The following TYR variants were observed in gnomAD, a reference collection of about 807,000 sequenced individuals.
The protein encoded by TYR is tyrosinase.
Under a neutral mutation model 51.5 loss-of-function variants are expected in TYR, and 58 were observed. The observed-to-expected ratio is 1.13, with a 90% CI of 0.91 to 1.40. The LOEUF (loss-of-function observed/expected upper bound fraction) is 1.40. TYR is among the 40% of genes most tolerant of loss of function. The pLI is 0.00. For missense variants in TYR, 732 were observed against 647.4 expected, an observed-to-expected ratio of 1.13 and a Z score of -1.42; for synonymous variants, 263 against 235.2, an observed-to-expected ratio of 1.12 and a Z score of -1.08.
At chr11:89,290,841 T>A (rs928041166) in intron 4 of TYR, among the ~76,000 whole-genome samples, 2 of 151,982 alleles carry the variant, frequency 1.3e-5, no homozygotes, top group African/African-American at 4.8e-5. Context: ...ATTTATAGTA[T>A]CTTCTGTGTA....
chr11:89,295,098 C>A (rs368822178), intron 4 of TYR, 45 bp from the exon 5 acceptor site: 2 of 1,606,530 alleles, frequency 1.2e-6, no homozygotes, highest in South Asian at 1.1e-5. Context: ...GTGATCGTAA[C>A]AATGGTGGTA....
intron 2 of TYR, among the ~76,000 whole-genome samples, chr11:89,227,015 C>T (rs998737016): frequency 3.9e-5 from 6 of 152,052 alleles, no homozygotes; most frequent in Admixed American, 2.6e-4. Flanking sequence ...CATATCTTAG[C>T]GTCTAATTGA....
intron 3 of TYR, among the ~76,000 whole-genome samples, chr11:89,253,832 G>A (rs899806953): frequency 6.6e-6 from 1 of 151,760 alleles, no homozygotes; most frequent in African/African-American, 2.4e-5. Flanking sequence ...TCTCTTGTCT[G>A]ATTGCTCTGG....
intron 1 of TYR, among the ~76,000 whole-genome samples, chr11:89,190,328 A>C (rs961338043): frequency 1.4e-4 from 22 of 152,202 alleles, no homozygotes; most frequent in African/African-American, 5.1e-4. Flanking sequence ...CAGTGGGACA[A>C]GATGTGGAGG....
At chr11:89,224,689 C>T (rs1943954887) in intron 2 of TYR, among the ~76,000 whole-genome samples, 1 of 152,178 alleles carries the variant, frequency 6.6e-6, no homozygotes, top group African/African-American at 2.4e-5. Flanking sequence ...TATCTTCCAC[C>T]TATCCTGAAT....
intron 1 of TYR, among the ~76,000 whole-genome samples, 191 bp downstream of exon 1, chr11:89,178,963 ATTTG>A (rs1943265866): frequency 6.6e-6 from 1 of 152,258 alleles, no homozygotes; most frequent in Non-Finnish European, 1.5e-5. Context: ...TTGTGTAATT[ATTTG>A]TTTAATGACT....
intron 3 of TYR, among the ~76,000 whole-genome samples, chr11:89,251,639 T>A (rs763612655): frequency 6.6e-6 from 1 of 151,886 alleles, no homozygotes; most frequent in Admixed American, 6.6e-5. Context: ...GTTTTGTTTC[T>A]GTTTTTTTAG....
chr11:89,245,660 C>A (rs1481534128), intron 3 of TYR, among the ~76,000 whole-genome samples: 1 of 152,048 alleles, frequency 6.6e-6, no homozygotes, highest in Non-Finnish European at 1.5e-5. Context: ...TGGTGGCTCA[C>A]GCCTGTAATC....
chr11:89,241,830 T>G (rs894912168), intron 3 of TYR, among the ~76,000 whole-genome samples: 30 of 147,482 alleles, frequency 2.0e-4, no homozygotes, highest in Non-Finnish European at 4.3e-4. Context: ...ATACTATACA[T>G]ATATATATTT....
intron 3 of TYR, among the ~76,000 whole-genome samples, chr11:89,248,194 T>C (rs1282524006): frequency 6.6e-6 from 1 of 152,206 alleles, no homozygotes; most frequent in Non-Finnish European, 1.5e-5. Flanking sequence ...TGTAACAATG[T>C]TCTTAGCACA....
intron 1 of TYR, among the ~76,000 whole-genome samples, chr11:89,187,839 T>C (rs1943395382): frequency 6.6e-6 from 1 of 151,904 alleles, no homozygotes; most frequent in Non-Finnish European, 1.5e-5. Context: ...GTGAATAGGA[T>C]ACAGTTTATA....
In TYR at chr11:89,178,052, G is replaced by A. The variant is rs747526546; in HGVS notation, c.99G>A (p.Lys33=). Residue 33 remains lysine (K), a synonymous_variant, in exon 1 of 5, where the codon AAG becomes AAA. Coordinates refer to ENST00000263321, the MANE Select transcript of TYR (RefSeq NM_000372.5). The part of the protein sequence containing the change: ...ACVSSKNLME[K]ECCPPWSGDR... The stretch of plus-strand genomic sequence containing the variant: ...TCTCCTCTAAGAACCTGATGGAGAA[G>A]GAATGCTGTCCACCGTGGAGCGGGG... 5.0e-6 allele frequency: 8 copies of A among 1,614,214 alleles called. No homozygotes were observed. The South Asian group carries it at 5.5e-5, about 11-fold the overall frequency.
intron 3 of TYR, among the ~76,000 whole-genome samples, chr11:89,264,142 G>A (rs1437114882): frequency 6.6e-6 from 1 of 151,984 alleles, no homozygotes; most frequent in Non-Finnish European, 1.5e-5. Flanking sequence ...TTGCAAAGGA[G>A]AAGATCCGTG....
chr11:89,245,045 A>C (rs1193617677), intron 3 of TYR, among the ~76,000 whole-genome samples: 1 of 152,236 alleles, frequency 6.6e-6, no homozygotes, highest in Admixed American at 6.5e-5. Context: ...TATGCCTAGC[A>C]TAAGATAGTC....
rs1261963923 is a variant in TYR at position 89,233,321 on chromosome 11, C to T, written c.1184+5351C>T. On this transcript the variant is annotated intron_variant, in intron 3 of 4. Coordinates refer to ENST00000263321, the MANE Select transcript of TYR (RefSeq NM_000372.5). ...TGCACTTGTAATTCTAGTTCTCTTGCTATTTCCATGATATCTGCAGTTATC... is the reference window on the plus strand; with the variant it reads ...TGCACTTGTAATTCTAGTTCTCTTGTTATTTCCATGATATCTGCAGTTATC... Among the ~76,000 whole-genome samples the T allele has an allele frequency of 2.1e-5, 3 of 141,822 alleles. 1 individual carries two copies. The highest frequency in any genetic ancestry group is 1.4e-4 in the Admixed American group (2 of 14,174). 93.0% of individuals were successfully genotyped at this position (141,822 alleles called of 152,430 possible). A position where few individuals can be genotyped will look rare whatever the true frequency, so the allele number is the denominator to read the frequency against.
chr11:89,270,532 C>T lies in TYR; in HGVS notation c.1185-14241C>T, dbSNP rs189245686. The stretch of plus-strand genomic sequence containing the variant: ...ACTCGGTGCAATGCTTATTACATGC[C>T]AGGCACTGTCCTAACTGATGGGGGT... On this transcript the variant is annotated intron_variant, in intron 3 of 4. Transcript: ENST00000263321. Among the ~76,000 whole-genome samples the T allele has an allele frequency of 1.2e-3, 179 of 151,928 alleles. 2 individuals are homozygous for T. Among genetic ancestry groups the T allele is most frequent in the South Asian group, 3.3e-3 (16 of 4,828 alleles).
intron 2 of TYR, among the ~76,000 whole-genome samples, chr11:89,191,707 C>T (rs1386753452): frequency 6.6e-6 from 1 of 152,040 alleles, no homozygotes; most frequent in South Asian, 2.1e-4. Flanking sequence ...CTGCAGTGAG[C>T]TATGATTGTG....
intron 2 of TYR, among the ~76,000 whole-genome samples, chr11:89,222,823 C>T (rs1351646846): frequency 1.3e-5 from 2 of 152,126 alleles, no homozygotes; most frequent in Admixed American, 6.6e-5. Flanking sequence ...AATGTTAAGG[C>T]ATAACATAAT....
chr11:89,184,492 T>C (rs76327678), intron 1 of TYR, among the ~76,000 whole-genome samples: 2,154 of 152,254 alleles, frequency 0.014, 50 homozygotes, highest in African/African-American at 0.05. Context: ...TAGTGGGTAT[T>C]GCTTCAGAAT....
Sources: allele counts gnomAD v4.1 joint callset (sites outside exome capture counted in the v4.1 genomes callset), GRCh38; gene constraint gnomAD v4.1.1; transcripts MANE v1.5; gene names NCBI Gene and HGNC (gene_info 2026-07-23, HGNC 2026-07-21).